Variants in NAV2 observed in about 807,000 individuals in gnomAD.
NAV2 encodes helicase, APC down-regulated 1.
In NAV2, 54 loss-of-function variants were observed where a neutral mutation model predicts 223.2. The ratio of observed to expected loss-of-function variants is 0.24; its 90% CI spans 0.19 to 0.30. The LOEUF is 0.30. NAV2 is among the 10% of genes least tolerant of loss of function. The probability of loss-of-function intolerance (pLI) is 1.00; values close to 1 mark genes in which losing one functional copy is unlikely to be tolerated. For missense variants in NAV2, 2,806 were observed against 3,147.5 expected (o/e 0.89, Z 2.60); for synonymous variants, 1,279 against 1,239.3 (o/e 1.03, Z -0.67).
chr11:19,896,016 G>A (rs2041953549), intron 6 of NAV2, among the ~76,000 whole-genome samples: 1 of 152,064 alleles, frequency 6.6e-6, no homozygotes, highest in Admixed American at 6.5e-5. Context: ...TGTAGCTGAG[G>A]TGTGGACTGT....
intron 1 of NAV2, among the ~76,000 whole-genome samples, chr11:19,561,495 C>T (rs1210173768): frequency 6.6e-6 from 1 of 151,966 alleles, no homozygotes; most frequent in Admixed American, 6.5e-5. Flanking sequence ...TTGCTTTCAT[C>T]AGCTATTTAG....
At chr11:20,064,007 A>T (rs1045500015) in intron 20 of NAV2, among the ~76,000 whole-genome samples, 1 of 151,892 alleles carries the variant, frequency 6.6e-6, no homozygotes, top group Non-Finnish European at 1.5e-5. Flanking sequence ...CACCCCTCCA[A>T]CTCTAAAATT....
At chr11:19,401,445 A>G (rs1363111443) in intron 1 of NAV2, among the ~76,000 whole-genome samples, 2 of 152,266 alleles carry the variant, frequency 1.3e-5, no homozygotes, top group Non-Finnish European at 2.9e-5. Context: ...CCCACCTAAT[A>G]AAATGTTTCA....
At position 19,473,151 on chromosome 11, in the gene NAV2, A is replaced by G. The variant is rs116810650; in HGVS notation, c.75+122124A>G. 5.4e-3 allele frequency among the ~76,000 whole-genome samples: 830 copies of G among 152,302 alleles called. 11 individuals are homozygous for G. Among genetic ancestry groups the G allele is most frequent in the African/African-American group, 0.019 (789 of 41,544 alleles). On this transcript the variant is annotated intron_variant, in intron 1 of 37. Transcript: ENST00000360655. ...CCATGTTTTCTGGTGGCCAGAGCCA[A>G]CTGAAGCCAGAAGCTATGTGGCTTA...
chr11:19,812,082 A>G (rs1318138928), intron 1 of NAV2, among the ~76,000 whole-genome samples: 1 of 152,108 alleles, frequency 6.6e-6, no homozygotes, highest in East Asian at 1.9e-4. Flanking sequence ...AAAAAAGGCA[A>G]TCTCAAGAGC....
intron 1 of NAV2, among the ~76,000 whole-genome samples, chr11:19,720,458 T>C (rs1344546662): frequency 6.6e-6 from 1 of 152,206 alleles, no homozygotes; most frequent in East Asian, 1.9e-4. Context: ...AGCCTCAGAA[T>C]ATTTTGCCTC....
intron 1 of NAV2, among the ~76,000 whole-genome samples, chr11:19,649,868 C>T (rs1345783134): frequency 3.3e-5 from 5 of 152,114 alleles, no homozygotes; most frequent in Non-Finnish European, 7.4e-5. Flanking sequence ...CAGGGAAACG[C>T]AAAGAAAACG....
At chr11:19,816,450 T>G (rs1397792796) in intron 1 of NAV2, among the ~76,000 whole-genome samples, 1 of 152,242 alleles carries the variant, frequency 6.6e-6, no homozygotes, top group Non-Finnish European at 1.5e-5. Context: ...CCTCTGTACC[T>G]TCCTTCACCC....
intron 6 of NAV2, among the ~76,000 whole-genome samples, chr11:19,927,694 A>G (rs1339342170): frequency 6.7e-6 from 1 of 150,232 alleles, no homozygotes; most frequent in Non-Finnish European, 1.5e-5. Context: ...CTTTTAAAAC[A>G]AAACAAAACA....
intron 1 of NAV2, among the ~76,000 whole-genome samples, chr11:19,831,552 C>G (rs573239739): frequency 1.3e-5 from 2 of 152,290 alleles, no homozygotes; most frequent in African/African-American, 4.8e-5. Context: ...CATATACACT[C>G]TTCTGCAAAC....
chr11:19,789,007 T>G (rs2057339061), intron 1 of NAV2, among the ~76,000 whole-genome samples: 1 of 152,218 alleles, frequency 6.6e-6, no homozygotes. Context: ...GCAAGAATCC[T>G]GCTGCAATGC....
At chr11:19,673,707 A>G (rs2048632417) in intron 1 of NAV2, among the ~76,000 whole-genome samples, 1 of 152,122 alleles carries the variant, frequency 6.6e-6, no homozygotes, top group African/African-American at 2.4e-5. Context: ...TTTAAACACC[A>G]CAAGCACCAA....
At chr11:19,574,745 C>T (rs937873500) in intron 1 of NAV2, among the ~76,000 whole-genome samples, 3 of 152,120 alleles carry the variant, frequency 2.0e-5, no homozygotes, top group Admixed American at 6.5e-5. Flanking sequence ...AGGAAATGAA[C>T]AACCATGCAA....
chr11:20,048,406 T>C (rs2153596318), intron 14 of NAV2, among the ~76,000 whole-genome samples: 1 of 152,306 alleles, frequency 6.6e-6, no homozygotes, highest in South Asian at 2.1e-4. Flanking sequence ...AGTCTATCTA[T>C]TGAAAGAAAG....
chr11:19,704,904 G>C (rs1430755183), intron 1 of NAV2, among the ~76,000 whole-genome samples: 1 of 151,130 alleles, frequency 6.6e-6, no homozygotes, highest in Non-Finnish European at 1.5e-5. Context: ...CCAGCTACTC[G>C]GGAGGCTGAG....
At position 20,045,083 on chromosome 11, in the gene NAV2, C is replaced by A; in HGVS notation, c.3315C>A (p.Pro1105=). Residue 1105 remains proline (P), a synonymous_variant, in exon 14 of 38, where the codon CCC becomes CCA. Transcript: ENST00000349880. The stretch of plus-strand genomic sequence containing the variant: ...GCAGTGGTGACGAATCCAAAAAGCC[C>A]CTCCCCAGCAGCTCTAGGACACCTA... The part of the protein sequence containing the change: ...GRSSGDESKK[P]LPSSSRTPTA... The A allele has an allele frequency of 6.2e-7, 1 of 1,614,142 alleles. No individual in the cohort carries two copies. The highest frequency in any genetic ancestry group is 8.5e-7 in the Non-Finnish European group (1 of 1,180,020).
chr11:19,988,538 A>ATT (rs35273335), intron 11 of NAV2, among the ~76,000 whole-genome samples: 17 of 150,612 alleles, frequency 1.1e-4, no homozygotes, highest in Middle Eastern at 3.4e-3. Context: ...GAAAGGAGAG[A>ATT]TTTTTCTTTT....
intron 1 of NAV2, among the ~76,000 whole-genome samples, chr11:19,398,155 A>G (rs1026676403): frequency 2.6e-5 from 4 of 152,122 alleles, no homozygotes; most frequent in African/African-American, 9.7e-5. Flanking sequence ...CATAACTGGC[A>G]TCTGCTTCTG....
chr11:19,743,593 A>G (rs529368530), intron 1 of NAV2, among the ~76,000 whole-genome samples: 4 of 152,394 alleles, frequency 2.6e-5, no homozygotes, highest in Admixed American at 2.6e-4. Context: ...AAAGGACAAC[A>G]TTCTGGGTCT....
Sources: allele counts gnomAD v4.1 joint callset (sites outside exome capture counted in the v4.1 genomes callset), GRCh38; gene constraint gnomAD v4.1.1; transcripts MANE v1.5; gene names NCBI Gene and HGNC (gene_info 2026-07-23, HGNC 2026-07-21).